ADGRG7: variants seen among roughly 807,000 people sequenced by gnomAD.
The protein encoded by ADGRG7 is G-protein coupled receptor 128.
In ADGRG7, 82 loss-of-function variants were observed where a neutral mutation model predicts 88.6. That is an observed-to-expected ratio of 0.93 (90% confidence interval 0.77 to 1.11). The LOEUF (loss-of-function observed/expected upper bound fraction) is 1.11, where lower values mean the gene tolerates loss of function less well. ADGRG7 is among the 50% of genes most tolerant of loss of function. ADGRG7 has a pLI of 0.00. For missense variants in ADGRG7, 945 were observed against 953.4 expected, an observed-to-expected ratio of 0.99 and a Z score of 0.12; for synonymous variants, 381 against 345.2, an observed-to-expected ratio of 1.10 and a Z score of -1.15.
chr3:100,694,462 T>C (rs2094998867), intron 15 of ADGRG7, among the ~76,000 whole-genome samples: 1 of 152,212 alleles, frequency 6.6e-6, no homozygotes, highest in Non-Finnish European at 1.5e-5. Context: ...TTATCAAGAT[T>C]ATGAAATAAG....
At chr3:100,610,372 C>A (rs932036732) in intron 1 of ADGRG7, among the ~76,000 whole-genome samples, 5 of 152,130 alleles carry the variant, frequency 3.3e-5, no homozygotes, top group African/African-American at 9.7e-5. Flanking sequence ...AACACACATA[C>A]AATCAAACAT....
chr3:100,632,353 A>C (rs549287537), intron 3 of ADGRG7, among the ~76,000 whole-genome samples: 4 of 152,256 alleles, frequency 2.6e-5, no homozygotes, highest in Admixed American at 6.5e-5. Context: ...TTGGATTCTA[A>C]CTGTTGGCAA....
At chr3:100,673,007 C>A (rs2094960581) in intron 15 of ADGRG7, among the ~76,000 whole-genome samples, 1 of 151,916 alleles carries the variant, frequency 6.6e-6, no homozygotes, top group South Asian at 2.1e-4. Context: ...GGGATACTGG[C>A]CTGAAATTTT....
chr3:100,632,391 T>A (rs910830911), intron 3 of ADGRG7, among the ~76,000 whole-genome samples: 3 of 152,218 alleles, frequency 2.0e-5, no homozygotes, highest in South Asian at 2.1e-4. Context: ...TATTAATAAT[T>A]GCTTCTAATT....
chr3:100,643,063 T>G (rs970801039), intron 6 of ADGRG7, among the ~76,000 whole-genome samples: 44 of 152,348 alleles, frequency 2.9e-4, no homozygotes, highest in African/African-American at 1.0e-3. Flanking sequence ...CAGTGAGGAC[T>G]GTCCACCAGA....
intron 14 of ADGRG7, 112 bp downstream of exon 14, chr3:100,659,955 C>A: frequency 9.7e-7 from 1 of 1,025,946 alleles, no homozygotes; most frequent in Non-Finnish European, 1.4e-6. Flanking sequence ...AATGGCAGGG[C>A]TACGTGGTTT....
Position 100,646,031 on chromosome 3 carries a change from CA to C in ADGRG7, c.1039del (p.Ile347LeufsTer75), listed in dbSNP as rs1707738201. 5.6e-6 allele frequency: 9 copies of C among 1,613,768 alleles called. No homozygotes were observed. Among genetic ancestry groups the C allele is most frequent in the Non-Finnish European group, 7.6e-6 (9 of 1,179,864 alleles). ...KTFTAKSDFS[Q>X]KIISSKTDEN... is the part of the protein sequence containing the mutation. ...TTTTACAGCTAAATCGGATTTTAGT[CA>C]AAAAATTATCTCAAGCAAAACTGAT... On this transcript the variant is annotated frameshift_variant, in exon 9 of 16. Coordinates refer to ENST00000273352, the MANE Select transcript of ADGRG7 (RefSeq NM_032787.3). LOFTEE classifies it high-confidence loss of function.
At chr3:100,684,257 C>CTATCTATTTATTTATTTATTTATTTATT (rs146037474) in intron 15 of ADGRG7, among the ~76,000 whole-genome samples, 1 of 145,340 alleles carries the variant, frequency 6.9e-6, no homozygotes, top group South Asian at 2.3e-4. Context: ...TCCATTTTAT[C>CTATCTATTTATTTATTTATTTATTTATT]TATTTATTTA....
chr3:100,686,416 T>C (rs866962265), intron 15 of ADGRG7, among the ~76,000 whole-genome samples: 84 of 152,344 alleles, frequency 5.5e-4, no homozygotes, highest in South Asian at 8.3e-4. Flanking sequence ...TTTGTTGCCA[T>C]TGCTTTTGGT....
intron 8 of ADGRG7, among the ~76,000 whole-genome samples, chr3:100,644,647 C>T (rs1277229130): frequency 6.6e-6 from 1 of 151,756 alleles, no homozygotes; most frequent in Non-Finnish European, 1.5e-5. Flanking sequence ...CCAGCCTCAG[C>T]CTCCCAAGTA....
At chr3:100,685,282 T>C (rs2094980171) in intron 15 of ADGRG7, among the ~76,000 whole-genome samples, 1 of 152,218 alleles carries the variant, frequency 6.6e-6, no homozygotes, top group Non-Finnish European at 1.5e-5. Context: ...CTTTATTCAT[T>C]GACATTCTAT....
chr3:100,658,880 T>C (rs2094941026), intron 13 of ADGRG7, among the ~76,000 whole-genome samples: 1 of 152,248 alleles, frequency 6.6e-6, no homozygotes, highest in Non-Finnish European at 1.5e-5. Context: ...TGTCCGCTGC[T>C]GATACCTTGG....
intron 14 of ADGRG7, among the ~76,000 whole-genome samples, chr3:100,663,668 C>T (rs1398563151): frequency 1.3e-5 from 2 of 151,842 alleles, no homozygotes; most frequent in Non-Finnish European, 1.5e-5. Flanking sequence ...AAAGAACATA[C>T]GAATGGAAAA....
intron 15 of ADGRG7, among the ~76,000 whole-genome samples, chr3:100,676,205 G>A (rs1398487205): frequency 6.6e-6 from 1 of 151,688 alleles, no homozygotes; most frequent in East Asian, 1.9e-4. Flanking sequence ...TTTATTTGAA[G>A]CTTTTCTATT....
rs1363143675 is a variant in ADGRG7, at chr3:100,669,103, C to G, written c.2134C>G (p.Gln712Glu). The change falls in exon 15 of 16, where the codon CAG becomes GAG. Residue 712 changes from glutamine to glutamate, a missense_variant and splice_region_variant. By Grantham distance (29) the Gln-to-Glu change is conservative (BLOSUM62 2). Transcript: ENST00000273352. ...SYIFCLFNTTQGLQIFILYTV... is the reference protein window; with the variant it reads ...SYIFCLFNTTEGLQIFILYTV... ...CATATTCTGCCTTTTCAACACTACA[C>G]AGGTATGGTGCGGATTAGTCTGAAA... 6.3e-7 allele frequency: 1 copy of G among 1,578,978 alleles called. No individual in the cohort carries two copies. Among genetic ancestry groups the G allele is most frequent in the African/African-American group, 1.4e-5 (1 of 73,890 alleles).
At chr3:100,681,177 A>AG (rs1310853968) in intron 15 of ADGRG7, among the ~76,000 whole-genome samples, 12 of 152,080 alleles carry the variant, frequency 7.9e-5, no homozygotes, top group African/African-American at 2.9e-4. Context: ...AAAATGGTGG[A>AG]TAAAAATAAA....
At chr3:100,620,132 T>C (rs1707287189) in intron 1 of ADGRG7, among the ~76,000 whole-genome samples, 1 of 152,298 alleles carries the variant, frequency 6.6e-6, no homozygotes, top group East Asian at 1.9e-4. Context: ...CCAATATCCC[T>C]GATGAACATC....
At chr3:100,638,730 G>A (rs1255171552) in intron 6 of ADGRG7, among the ~76,000 whole-genome samples, 1 of 151,864 alleles carries the variant, frequency 6.6e-6, no homozygotes, top group Non-Finnish European at 1.5e-5. Context: ...AAAAGAAAAA[G>A]AGAACTCTAC....
At chr3:100,678,412 C>T (rs1576337204) in intron 15 of ADGRG7, among the ~76,000 whole-genome samples, 1 of 152,118 alleles carries the variant, frequency 6.6e-6, no homozygotes, top group East Asian at 1.9e-4. Flanking sequence ...ATATCTCTGT[C>T]TCTCTGGGAT....
Sources: allele counts gnomAD v4.1 joint callset (sites outside exome capture counted in the v4.1 genomes callset), GRCh38; gene constraint gnomAD v4.1.1; transcripts MANE v1.5; gene names NCBI Gene and HGNC (gene_info 2026-07-23, HGNC 2026-07-21).